Variants in POC1B observed in about 807,000 individuals in gnomAD.
The protein encoded by POC1B is POC1 centriolar protein homolog B.
In POC1B, 44 loss-of-function variants were observed where a neutral mutation model predicts 60.6. The observed-to-expected ratio is 0.73, with a 90% confidence interval of 0.57 to 0.93. The LOEUF (loss-of-function observed/expected upper bound fraction) is 0.93. POC1B is among the 40% of genes least tolerant of loss of function. The pLI, the probability that POC1B is intolerant of heterozygous loss-of-function variation, is 0.00. For synonymous variants in POC1B, 180 were observed against 198.9 expected (o/e 0.90, Z 0.80); for missense variants, 555 against 572.3 (o/e 0.97, Z 0.31).
Position 89,434,595 on chromosome 12 carries a change from C to T in POC1B, c.1114-9216G>A, listed in dbSNP as rs557340482. ...TGTATGCTGATCTAAAAGTGCACTG[C>T]ACCAGATGGATCTTAATTAATGATA... On this transcript the variant is annotated intron_variant, in intron 10 of 11. Coordinates refer to ENST00000313546, the MANE Select transcript of POC1B (RefSeq NM_172240.3). Among the ~76,000 whole-genome samples the T allele has an allele frequency of 2.2e-3, 332 of 152,302 alleles. 2 individuals carry two copies. The highest frequency in any genetic ancestry group is 7.5e-3 in the African/African-American group (311 of 41,566).
chr12:89,509,428 C>G (rs11105307), intron 2 of POC1B, among the ~76,000 whole-genome samples: 79,407 of 151,760 alleles, frequency 0.52, 21,136 homozygotes, highest in African/African-American at 0.61. Flanking sequence ...CTGAAATGGG[C>G]CTTTTTTTTT....
intron 2 of POC1B, chr12:89,524,458 G>C (rs1434257789): frequency 6.2e-7 from 1 of 1,613,732 alleles, no homozygotes; most frequent in Non-Finnish European, 8.5e-7. Flanking sequence ...GGCATGAAAA[G>C]TAGAGACCAA....
chr12:89,472,418 G>A, intron 4 of POC1B, 143 bp from the exon 5 acceptor site: 1 of 593,960 alleles, frequency 1.7e-6, no homozygotes, highest in Non-Finnish European at 2.9e-6. Context: ...GTCATATTCT[G>A]CAGCCAAGAT....
At chr12:89,424,646 A>AC (rs747917975) in intron 11 of POC1B, among the ~76,000 whole-genome samples, 43 of 152,322 alleles carry the variant, frequency 2.8e-4, no homozygotes, top group Non-Finnish European at 5.3e-4. Flanking sequence ...TTATGTCTGT[A>AC]CCTTGTAACC....
chr12:89,433,998 G>GA (rs533369710), intron 10 of POC1B, among the ~76,000 whole-genome samples: 1 of 152,182 alleles, frequency 6.6e-6, no homozygotes, highest in East Asian at 1.9e-4. Flanking sequence ...GATCCTGAAG[G>GA]AAAAAATGAC....
At chr12:89,447,767 C>T (rs923602847) in intron 10 of POC1B, among the ~76,000 whole-genome samples, 12 of 151,926 alleles carry the variant, frequency 7.9e-5, no homozygotes, top group African/African-American at 2.9e-4. Flanking sequence ...AAGTATGGCA[C>T]AAATTCATTT....
At chr12:89,438,702 C>T (rs1429836931) in intron 10 of POC1B, among the ~76,000 whole-genome samples, 1 of 152,168 alleles carries the variant, frequency 6.6e-6, no homozygotes, top group Non-Finnish European at 1.5e-5. Flanking sequence ...TATTAAAATT[C>T]CTCAGGGAAT....
chr12:89,516,694 T>C (rs1421994892), intron 2 of POC1B, among the ~76,000 whole-genome samples: 1 of 152,146 alleles, frequency 6.6e-6, no homozygotes, highest in African/African-American at 2.4e-5. Flanking sequence ...AAATTTATTA[T>C]CTCACAGTTC....
chr12:89,523,298 G>T (rs923480268), intron 2 of POC1B: 1 of 1,613,974 alleles, frequency 6.2e-7, no homozygotes, highest in Non-Finnish European at 8.5e-7. Flanking sequence ...CATCTCAACC[G>T]CTCTCGTAGT....
At chr12:89,471,248 A>G (rs976531709) in intron 6 of POC1B, among the ~76,000 whole-genome samples, 2 of 152,228 alleles carry the variant, frequency 1.3e-5, no homozygotes, top group African/African-American at 2.4e-5. Context: ...TAGGCATAGT[A>G]GGTAGTTGTT....
At chr12:89,485,296 A>G (rs1021468553) in intron 4 of POC1B, 2 of 152,228 alleles carry the variant, frequency 1.3e-5, no homozygotes, top group African/African-American at 4.8e-5. Context: ...TTGGTGGTCA[A>G]TCAGGCCCTC....
At chr12:89,459,494 T>C in intron 10 of POC1B, 144 bp downstream of exon 10, 1 of 388,846 alleles carries the variant, frequency 2.6e-6, no homozygotes, top group Non-Finnish European at 4.6e-6. Flanking sequence ...TAAATATGAC[T>C]ATAAAGTTTT....
the POC1B span, among the ~76,000 whole-genome samples, chr12:89,413,930 C>T: frequency 4.0e-5 from 6 of 151,866 alleles, no homozygotes; most frequent in African/African-American, 7.2e-5. Flanking sequence ...CTTGCTTTGT[C>T]GCCCAGGCTG....
At chr12:89,464,088 A>C (rs1882582428) in intron 9 of POC1B, among the ~76,000 whole-genome samples, 1 of 152,180 alleles carries the variant, frequency 6.6e-6, no homozygotes, top group Non-Finnish European at 1.5e-5. Context: ...TCATCAGTTC[A>C]CTTAGATACC....
intron 4 of POC1B, among the ~76,000 whole-genome samples, chr12:89,477,008 C>T (rs7314929): frequency 0.75 from 114,719 of 151,952 alleles, 43,378 homozygotes; most frequent in Middle Eastern, 0.82. Flanking sequence ...CAGTAAATAC[C>T]AAGTCCTGAA....
intron 2 of POC1B, among the ~76,000 whole-genome samples, chr12:89,511,962 G>A (rs1440929628): frequency 6.6e-6 from 1 of 152,164 alleles, no homozygotes; most frequent in South Asian, 2.1e-4. Flanking sequence ...GCTGAGGCAC[G>A]AGAATCACTA....
In POC1B at chr12:89,517,071, A is replaced by C. The variant is rs538451135; in HGVS notation, c.100+8049T>G. Among the ~76,000 whole-genome samples, 10 of 152,196 alleles carry C rather than the reference A, an allele frequency of 6.6e-5. No homozygotes were observed. The South Asian group carries it at 1.9e-3, about 28-fold the overall frequency. On this transcript the variant is annotated intron_variant, in intron 2 of 11. Transcript: ENST00000313546. ...TTTTGGAGGGCCACCATTTAAACCC[A>C]CTATAGCTTCAAGGCCCTGCCTAAG...
the POC1B span, among the ~76,000 whole-genome samples, chr12:89,412,830 C>CCTTCCTTCCTT: frequency 3.1e-5 from 4 of 131,124 alleles, no homozygotes; most frequent in African/African-American, 9.5e-5. Context: ...TTCCTTCCTT[C>CCTTCCTTCCTT]CTTCCTTCCT....
At chr12:89,525,358 C>T (rs1356625565) in intron 1 of POC1B, 154 bp from the exon 2 acceptor site, 11 of 1,427,104 alleles carry the variant, frequency 7.7e-6, no homozygotes, top group South Asian at 1.5e-5. Flanking sequence ...AGCCCACCCA[C>T]GGGCGCGGCG....
Sources: gnomAD v4.1 joint callset for allele counts (sites outside exome capture counted in the v4.1 genomes callset) on GRCh38, gnomAD v4.1.1 for gene constraint, MANE v1.5 for transcripts, NCBI Gene and HGNC (gene_info 2026-07-23, HGNC 2026-07-21) for gene names.